Variants in CPVL observed in about 807,000 individuals in gnomAD.
The protein encoded by CPVL is carboxypeptidase vitellogenic like, also known as probable serine carboxypeptidase CPVL.
In CPVL, 51 loss-of-function variants were observed where a neutral mutation model predicts 63.7. The ratio of observed to expected loss-of-function variants is 0.80; its 90% CI spans 0.64 to 1.01. CPVL has a LOEUF of 1.01. Ranked by LOEUF, CPVL falls within the 50% of genes least tolerant of loss-of-function variation. The pLI, the probability that CPVL is intolerant of heterozygous loss-of-function variation, is 0.00. For synonymous variants in CPVL, 195 were observed against 206.0 expected (o/e 0.95, Z 0.46); for missense variants, 530 against 573.1 (o/e 0.92, Z 0.77).
At chr7:29,085,883 T>G (rs1409981146) in intron 7 of CPVL, among the ~76,000 whole-genome samples, 1 of 152,188 alleles carries the variant, frequency 6.6e-6, no homozygotes, top group African/African-American at 2.4e-5. Flanking sequence ...GCACCTGGCC[T>G]GGACTCTTCA....
intron 4 of CPVL, among the ~76,000 whole-genome samples, chr7:29,182,337 A>C (rs1423485106): frequency 6.6e-6 from 1 of 152,246 alleles, no homozygotes; most frequent in South Asian, 2.1e-4. Context: ...CCACCTACCA[A>C]TAATGAAATA....
chr7:29,182,630 A>G (rs953910372), intron 4 of CPVL, among the ~76,000 whole-genome samples: 2 of 152,238 alleles, frequency 1.3e-5, no homozygotes, highest in African/African-American at 4.8e-5. Flanking sequence ...TGTCTACACA[A>G]TTACGTACAC....
chr7:29,002,301 C>G (rs954973479), intron 12 of CPVL, among the ~76,000 whole-genome samples: 6 of 152,134 alleles, frequency 3.9e-5, no homozygotes, highest in Admixed American at 6.6e-5. Flanking sequence ...AAGACAATGC[C>G]TTGGAAGTAA....
intron 10 of CPVL, among the ~76,000 whole-genome samples, chr7:29,065,320 G>A (rs150319914): frequency 5.4e-4 from 82 of 152,250 alleles, no homozygotes; most frequent in African/African-American, 1.9e-3. Flanking sequence ...CAGCATTGGC[G>A]AATTCCACTG....
At chr7:29,065,480 T>C (rs2391720) in intron 10 of CPVL, among the ~76,000 whole-genome samples, 129,047 of 151,816 alleles carry the variant, frequency 0.85, 54,890 homozygotes, top group South Asian at 0.91. Flanking sequence ...ACAAAAGATA[T>C]CAACTTTGGC....
intron 4 of CPVL, among the ~76,000 whole-genome samples, chr7:29,181,861 G>A (rs932656888): frequency 2.0e-5 from 3 of 151,200 alleles, no homozygotes; most frequent in African/African-American, 4.8e-5. Context: ...TAATTCCTAA[G>A]GGGGGGAAAA....
intron 1 of CPVL, chr7:29,194,900 G>T: frequency 6.8e-7 from 1 of 1,469,694 alleles, no homozygotes; most frequent in Non-Finnish European, 9.0e-7. Flanking sequence ...GGCGGCGTCC[G>T]CACCGGGGCT....
At chr7:29,002,619 AC>A (rs1331219348) in intron 12 of CPVL, among the ~76,000 whole-genome samples, 1 of 152,222 alleles carries the variant, frequency 6.6e-6, no homozygotes, top group African/African-American at 2.4e-5. Flanking sequence ...TTTTAAAGTA[AC>A]TGTGAACAAA....
At chr7:29,117,421 C>T (rs1584310044) in intron 2 of CPVL, among the ~76,000 whole-genome samples, 1 of 152,286 alleles carries the variant, frequency 6.6e-6, no homozygotes, top group African/African-American at 2.4e-5. Context: ...CACTTAATGC[C>T]TTTGTTTAAG....
At chr7:29,137,631 T>G (rs1269422462) in intron 1 of CPVL, among the ~76,000 whole-genome samples, 1 of 152,180 alleles carries the variant, frequency 6.6e-6, no homozygotes, top group African/African-American at 2.4e-5. Flanking sequence ...GTAGCTCAAT[T>G]TTATAGGCAG....
intron 2 of CPVL, among the ~76,000 whole-genome samples, chr7:29,120,444 ACAAAAT>A (rs922805486): frequency 6.6e-5 from 10 of 151,394 alleles, no homozygotes; most frequent in Admixed American, 3.9e-4. Context: ...AAACAAACAA[ACAAAAT>A]ATATATATAT....
chr7:29,026,647 T>TG (rs1381959235), intron 12 of CPVL, among the ~76,000 whole-genome samples: 1 of 151,536 alleles, frequency 6.6e-6, no homozygotes, highest in Admixed American at 6.6e-5. Context: ...AAATCAGAAA[T>TG]GGAAAAGGAG....
intron 10 of CPVL, among the ~76,000 whole-genome samples, chr7:29,064,750 C>T (rs1782975470): frequency 1.3e-5 from 2 of 151,996 alleles, no homozygotes; most frequent in African/African-American, 2.4e-5. Context: ...CTTATTAACT[C>T]GTCATTTAGC....
intron 10 of CPVL, among the ~76,000 whole-genome samples, chr7:29,065,057 A>T (rs75347013): frequency 2.9e-4 from 1 of 3,394 alleles, no homozygotes; most frequent in Admixed American, 3.9e-3. Context: ...GAAGCTTATT[A>T]AAAAAAAAAC....
At chr7:29,007,512 G>T (rs1189205437) in intron 12 of CPVL, among the ~76,000 whole-genome samples, 4 of 152,172 alleles carry the variant, frequency 2.6e-5, no homozygotes, top group African/African-American at 9.7e-5. Context: ...CAGCACTGAG[G>T]TAATGAAATT....
chr7:29,133,318 T>C (rs747242112), intron 1 of CPVL, among the ~76,000 whole-genome samples: 1 of 152,220 alleles, frequency 6.6e-6, no homozygotes. Context: ...TCTGTCTTTA[T>C]CTTTATTGAC....
chr7:29,064,929 T>TA (rs200056425), intron 10 of CPVL, among the ~76,000 whole-genome samples: 18,231 of 41,970 alleles, frequency 0.43, 1,226 homozygotes, highest in Middle Eastern at 0.5. Context: ...AATTAAAAAA[T>TA]AAAAAAAACC....
At chr7:29,130,492 G>T (rs982468274) in intron 1 of CPVL, among the ~76,000 whole-genome samples, 1 of 152,258 alleles carries the variant, frequency 6.6e-6, no homozygotes, top group African/African-American at 2.4e-5. Flanking sequence ...GGGCTCCCTT[G>T]TTACAGAACA....
At chr7:29,093,859 T>C (rs1584243369) in intron 5 of CPVL, among the ~76,000 whole-genome samples, 1 of 152,334 alleles carries the variant, frequency 6.6e-6, no homozygotes, top group East Asian at 1.9e-4. Context: ...TTTATTTGTG[T>C]TCTTTTGGAC....
Sources: allele counts gnomAD v4.1 joint callset (sites outside exome capture counted in the v4.1 genomes callset), GRCh38; gene constraint gnomAD v4.1.1; transcripts MANE v1.5; gene names NCBI Gene and HGNC (gene_info 2026-07-23, HGNC 2026-07-21).